WHRN: variants seen among roughly 807,000 people sequenced by gnomAD.
The protein encoded by WHRN is CASK-interacting protein CIP98.
Under a neutral mutation model 68.3 loss-of-function variants are expected in WHRN, and 41 were observed. That is an observed-to-expected ratio of 0.60 (90% confidence interval 0.47 to 0.78). The LOEUF (loss-of-function observed/expected upper bound fraction) is 0.78, where lower values mean the gene tolerates loss of function less well. Among genes scored for constraint, WHRN ranks in the 30% least tolerant of loss-of-function variants. The probability of loss-of-function intolerance (pLI) is 0.00; values close to 1 mark genes in which losing one functional copy is unlikely to be tolerated. For synonymous variants in WHRN, 560 were observed against 561.3 expected (o/e 1.00, Z 0.03); for missense variants, 1,243 against 1,244.7 (o/e 1.00, Z 0.02).
chr9:114,472,431 T>C (rs139559481), intron 2 of WHRN, among the ~76,000 whole-genome samples: 2 of 152,290 alleles, frequency 1.3e-5, no homozygotes, highest in East Asian at 1.9e-4. Flanking sequence ...ATAGGACGGA[T>C]CCGTGTATGA....
Position 114,402,102 on chromosome 9 carries a change from T to C in WHRN, c.*652A>G, listed in dbSNP as rs1241183682. On this transcript the variant is annotated 3_prime_UTR_variant, in exon 12 of 12. Transcript: ENST00000362057. ...GTCTAACCTTGTTCAGATTTCTTTA[T>C]TGAAAAATTAAAGTCATAAGCTCTG... 6.5e-6 allele frequency: 1 copy of C among 154,144 alleles called. No homozygotes were observed. The highest frequency in any genetic ancestry group is 1.4e-5 in the Non-Finnish European group (1 of 69,186). 9.5% of individuals were successfully genotyped at this position (154,144 alleles called of 1,614,324 possible).
At chr9:114,419,740 G>A (rs549474699) in intron 7 of WHRN, among the ~76,000 whole-genome samples, 4 of 152,264 alleles carry the variant, frequency 2.6e-5, no homozygotes, top group South Asian at 2.1e-4. Context: ...TCAACATCAC[G>A]GGACAGAAAT....
chr9:114,445,110 C>T (rs1349736055), intron 3 of WHRN, among the ~76,000 whole-genome samples: 3 of 151,172 alleles, frequency 2.0e-5, no homozygotes, highest in South Asian at 2.1e-4. Context: ...GGTGTGATCT[C>T]GGCTCACTGC....
intron 6 of WHRN, among the ~76,000 whole-genome samples, chr9:114,424,037 G>A (rs568460101): frequency 1.3e-5 from 2 of 152,304 alleles, no homozygotes; most frequent in South Asian, 4.1e-4. Context: ...GATATGAGGC[G>A]TTAACCAGCC....
chr9:114,501,075 C>T (rs1408669915), intron 1 of WHRN, among the ~76,000 whole-genome samples: 3 of 152,204 alleles, frequency 2.0e-5, no homozygotes, highest in Admixed American at 6.5e-5. Flanking sequence ...GCTCCTGGCC[C>T]ATCCACCCTG....
At chr9:114,489,508 A>ACG (rs1842803560) in intron 1 of WHRN, among the ~76,000 whole-genome samples, 1 of 33,486 alleles carries the variant, frequency 3.0e-5, no homozygotes, top group Non-Finnish European at 6.2e-5. Flanking sequence ...ACACACGCAC[A>ACG]CACGCGTGCA....
At chr9:114,442,596 G>T (rs1247376197) in intron 3 of WHRN, among the ~76,000 whole-genome samples, 1 of 152,164 alleles carries the variant, frequency 6.6e-6, no homozygotes, top group Non-Finnish European at 1.5e-5. Context: ...TGGGTCATGG[G>T]GGTGGATCCC....
chr9:114,425,880 C>T (rs1283672763), intron 4 of WHRN: 1 of 400,902 alleles, frequency 2.5e-6, no homozygotes, highest in Non-Finnish European at 4.7e-6. Context: ...CTCTCCCTCC[C>T]TCTCTTTCAT....
intron 8 of WHRN, 142 bp from the exon 9 acceptor site, chr9:114,407,034 T>C: frequency 1.0e-6 from 1 of 966,476 alleles, no homozygotes; most frequent in Non-Finnish European, 1.6e-6. Context: ...CTCTGAATAA[T>C]GCAACACCTG....
At chr9:114,402,969 C>T in intron 11 of WHRN, 33 bp from the exon 12 acceptor site, 1 of 1,592,226 alleles carries the variant, frequency 6.3e-7, no homozygotes, top group Non-Finnish European at 8.5e-7. Context: ...ATGGGGTGCC[C>T]AAGGGTTAGA....
chr9:114,485,293 TTG>T (rs2133216686), intron 1 of WHRN, among the ~76,000 whole-genome samples: 1 of 152,322 alleles, frequency 6.6e-6, no homozygotes, highest in South Asian at 2.1e-4. Flanking sequence ...AGCTGGGGCT[TTG>T]TGTGTTCAGA....
chr9:114,486,814 C>CTA (rs1842507294), intron 1 of WHRN, among the ~76,000 whole-genome samples: 1 of 71,212 alleles, frequency 1.4e-5, no homozygotes, highest in African/African-American at 5.9e-5. Flanking sequence ...GCTTCCCAGG[C>CTA]AAAAAAAAAA....
intron 7 of WHRN, among the ~76,000 whole-genome samples, chr9:114,422,915 C>T (rs1030197081): frequency 7.2e-5 from 11 of 152,154 alleles, no homozygotes; most frequent in African/African-American, 2.7e-4. Flanking sequence ...AAATCACAGT[C>T]CAAGTTACCA....
chr9:114,424,432 C>T lies in WHRN; in HGVS notation c.1318G>A (p.Ala440Thr), dbSNP rs4978584. 374,047 of 1,613,244 alleles carry T rather than the reference C, an allele frequency of 0.23. 46,248 individuals carry two copies. The highest frequency in any genetic ancestry group is 0.38 in the Admixed American group (22,924 of 59,998). ...ARHLLNEQEH[A>T]TMAYYLDEYR... ...TCATCCAGGTAGTAGGCCATGGTGG[C>T]GTGTTCCTGCTCGTTCAGCAGGTGC... Residue 440 changes from alanine (A) to threonine (T), a missense_variant, in exon 6 of 12, where the codon GCC (alanine) becomes ACC (threonine). Coordinates refer to ENST00000362057, the MANE Select transcript of WHRN (RefSeq NM_015404.4).
At chr9:114,448,098 T>C (rs1838994271) in intron 3 of WHRN, among the ~76,000 whole-genome samples, 1 of 152,130 alleles carries the variant, frequency 6.6e-6, no homozygotes, top group African/African-American at 2.4e-5. Flanking sequence ...CCAGTACCTG[T>C]GAATGTGACC....
At chr9:114,492,191 A>G (rs1178385128) in intron 1 of WHRN, among the ~76,000 whole-genome samples, 1 of 152,198 alleles carries the variant, frequency 6.6e-6, no homozygotes, top group Non-Finnish European at 1.5e-5. Context: ...GGGAATATAC[A>G]AAACAAATTC....
chr9:114,504,538 C>T lies in WHRN; in HGVS notation c.264G>A (p.Arg88=). The T allele has an allele frequency of 6.2e-7, 1 of 1,610,620 alleles. No homozygotes were observed. Among genetic ancestry groups the T allele is most frequent in the Non-Finnish European group, 8.5e-7 (1 of 1,179,798 alleles). The change falls in exon 1 of 12, where the codon CGG becomes CGA. Residue 88 remains arginine, a synonymous_variant. Coordinates refer to ENST00000362057, the MANE Select transcript of WHRN (RefSeq NM_015404.4). The part of the protein sequence containing the change: ...LRVLLDSPVK[R]RLLPMLRLVI... ...CCAGACGAAGCATGGGCAGCAGGCG[C>T]CGCTTGACCGGACTGTCCAGCAGCA...
intron 3 of WHRN, among the ~76,000 whole-genome samples, chr9:114,431,499 G>A (rs1837421201): frequency 6.6e-6 from 1 of 152,206 alleles, no homozygotes; most frequent in Admixed American, 6.5e-5. Flanking sequence ...CTTCACCCCA[G>A]CACAGCACTG....
chr9:114,426,080 A>G (rs918845090), intron 4 of WHRN, 131 bp downstream of exon 4: 14 of 1,200,610 alleles, frequency 1.2e-5, no homozygotes, highest in Non-Finnish European at 1.7e-5. Flanking sequence ...TGTCCTGCCA[A>G]TGGAGGGCCC....
Sources: gnomAD v4.1 joint callset for allele counts (sites outside exome capture counted in the v4.1 genomes callset) on GRCh38, gnomAD v4.1.1 for gene constraint, MANE v1.5 for transcripts, NCBI Gene and HGNC (gene_info 2026-07-23, HGNC 2026-07-21) for gene names.